FGFR3: variants seen among roughly 807,000 people sequenced by gnomAD.
FGFR3 encodes FGFR-3.
In FGFR3, 25 loss-of-function variants were observed where a neutral mutation model predicts 82.9. The ratio of observed to expected loss-of-function variants is 0.30; its 90% CI spans 0.22 to 0.42. The LOEUF (loss-of-function observed/expected upper bound fraction) is 0.42. FGFR3 is among the 10% of genes least tolerant of loss of function. The pLI is 1.00. For synonymous variants in FGFR3, 620 were observed against 516.0 expected (o/e 1.20, Z -2.73); for missense variants, 1,026 against 1,161.0 (o/e 0.88, Z 1.69).
chr4:1,807,004 C>T (rs2108815872), intron 17 of FGFR3, 70 bp downstream of exon 17: 1 of 1,554,448 alleles, frequency 6.4e-7, no homozygotes, highest in Non-Finnish European at 8.7e-7. Context: ...CCATCCTGCC[C>T]CCCAGAGTGC....
intron 2 of FGFR3, among the ~76,000 whole-genome samples, 186 bp from the exon 3 acceptor site, chr4:1,799,064 CTGGT>C (rs1343869498): frequency 6.6e-6 from 1 of 152,162 alleles, no homozygotes; most frequent in East Asian, 1.9e-4. Flanking sequence ...TTGGGACAGA[CTGGT>C]TGGCAAAGCT....
chr4:1,801,724 GTACACGC>G lies in FGFR3; in HGVS notation c.722_728del (p.Tyr241TrpfsTer51). 1 of 1,607,312 alleles carries G rather than the reference GTACACGC, an allele frequency of 6.2e-7. No homozygotes were observed. The highest frequency in any genetic ancestry group is 1.1e-5 in the South Asian group (1 of 90,396). ...ACAAGTTTGGCAGCATCCGGCAGACGTACACGCTGGACGTGCTGGGTGAGGGCCCTGG... is the reference window on the plus strand; with the variant it reads ...ACAAGTTTGGCAGCATCCGGCAGACGTGGACGTGCTGGGTGAGGGCCCTGG... On this transcript the variant is annotated frameshift_variant, in exon 6 of 18. Transcript: ENST00000440486. LOFTEE classifies it high-confidence loss of function.
Position 1,803,632 on chromosome 4 carries a change from C to T in FGFR3, c.931-60C>T, listed in dbSNP as rs1721480604. ...GCGGCTGGATCCTGCCGTGTGGACT[C>T]TGTGCGGTGCCCGCAGGGCGGTGCT... On this transcript the variant is annotated intron_variant, in intron 7 of 17. Transcript: ENST00000440486. 5.0e-6 allele frequency: 8 copies of T among 1,590,364 alleles called. No homozygotes were observed. The South Asian group carries it at 5.6e-5, about 11-fold the overall frequency.
At position 1,806,966 on chromosome 4, in the gene FGFR3, C is replaced by T. The variant is rs184555028; in HGVS notation, c.2274+32C>T. 288 of 1,578,022 alleles carry T rather than the reference C, an allele frequency of 1.8e-4. 2 individuals carry two copies. The East Asian group carries it at 6.6e-3, about 36-fold the overall frequency. ...GCTGGCTCTGGCCTGGTGCCACCCG[C>T]CTATGCCCCTCCCCCTGCCGTCCCC... On this transcript the variant is annotated intron_variant, in intron 17 of 17. Coordinates refer to ENST00000440486, the MANE Select transcript of FGFR3 (RefSeq NM_000142.5).
intron 7 of FGFR3, 21 bp from the exon 8 acceptor site, chr4:1,803,671 C>T (rs4647925): frequency 1.0e-4 from 162 of 1,612,162 alleles, no homozygotes; most frequent in African/African-American, 4.1e-4. Flanking sequence ...GCTCGCCTAT[C>T]GCTCTGCTCT....
intron 2 of FGFR3, 63 bp downstream of exon 2, chr4:1,794,106 G>A (rs1720174159): frequency 2.9e-6 from 3 of 1,045,238 alleles, no homozygotes; most frequent in Non-Finnish European, 3.8e-6. Flanking sequence ...GTTGGGGACG[G>A]GAACCGGCCC....
chr4:1,802,062 G>T (rs1476873851), intron 7 of FGFR3, 37 bp downstream of exon 7: 2 of 1,591,800 alleles, frequency 1.3e-6, no homozygotes, highest in Non-Finnish European at 1.7e-6. Flanking sequence ...CGCCGCTGGG[G>T]CTCCTGGGCT....
chr4:1,801,586 C>A, intron 5 of FGFR3, 34 bp from the exon 6 acceptor site: 1 of 1,590,492 alleles, frequency 6.3e-7, no homozygotes, highest in Middle Eastern at 1.7e-4. Flanking sequence ...TGGTTGCTGC[C>A]TCCGCTCACT....
rs1722265535 is a variant in FGFR3 at position 1,808,687 on chromosome 4, G to A, written c.*1425G>A. On this transcript the variant is annotated 3_prime_UTR_variant, in exon 18 of 18. Transcript: ENST00000440486. ...GCCGTGAATTCAGTTGGTTCGTTCT[G>A]TACTGTTACTGGGCCCTGAGTCTGG... is the stretch of plus-strand genomic sequence containing the variant. 1 of 232,400 alleles carries A rather than the reference G, an allele frequency of 4.3e-6. No homozygotes were observed. Among genetic ancestry groups the A allele is most frequent in the African/African-American group, 2.2e-5 (1 of 45,362 alleles). The allele number at this position is 232,400 out of a possible 1,614,324, so 14.4% of individuals were successfully genotyped here. A position where few individuals can be genotyped will look rare whatever the true frequency, so the allele number is the denominator to read the frequency against.
At position 1,793,842 on chromosome 4, in the gene FGFR3, C is replaced by A; in HGVS notation, c.-93C>A. 3.9e-6 allele frequency: 1 copy of A among 254,350 alleles called. No individual in the cohort carries two copies. Among genetic ancestry groups the A allele is most frequent in the Non-Finnish European group, 6.4e-6 (1 of 157,454 alleles). The allele number at this position is 254,350 out of a possible 1,614,324, so 15.8% of individuals were successfully genotyped here. ...CTTCCTCCTCCTGTAGTCTCCCGAGCGGCGCCCGCCTCCCGCCGGTGCCCG... is the reference window on the plus strand; with the variant it reads ...CTTCCTCCTCCTGTAGTCTCCCGAGAGGCGCCCGCCTCCCGCCGGTGCCCG... On this transcript the variant is annotated 5_prime_UTR_variant, in exon 2 of 18. Transcript: ENST00000440486.
intron 2 of FGFR3, among the ~76,000 whole-genome samples, chr4:1,796,692 G>A (rs914859600): frequency 6.6e-6 from 1 of 152,178 alleles, no homozygotes; most frequent in African/African-American, 2.4e-5. Flanking sequence ...GAGACCCAGA[G>A]CCTGGAGAAA....
At chr4:1,797,851 G>C (rs1408073213) in intron 2 of FGFR3, among the ~76,000 whole-genome samples, 1 of 152,202 alleles carries the variant, frequency 6.6e-6, no homozygotes, top group Non-Finnish European at 1.5e-5. Flanking sequence ...GGCGTGTGTG[G>C]CTGGATCAGG....
At position 1,807,297 on chromosome 4, in the gene FGFR3, T is replaced by C. The variant is rs1424387408; in HGVS notation, c.*35T>C. On this transcript the variant is annotated 3_prime_UTR_variant, in exon 18 of 18. Coordinates refer to ENST00000440486, the MANE Select transcript of FGFR3 (RefSeq NM_000142.5). ...GGTCCCCAACAATGTGAGGGGTCCC[T>C]AGCAGCCCACCCTGCTGCTGGTGCA... The C allele has an allele frequency of 6.4e-7, 1 of 1,568,376 alleles. No homozygotes were observed.
chr4:1,796,529 C>G (rs1216346096), intron 2 of FGFR3, among the ~76,000 whole-genome samples: 1 of 152,126 alleles, frequency 6.6e-6, no homozygotes, highest in Non-Finnish European at 1.5e-5. Flanking sequence ...CATCTCACCC[C>G]AAAACCCAAA....
intron 4 of FGFR3, 46 bp downstream of exon 4, chr4:1,799,858 T>C (rs375610106): frequency 1.1e-5 from 17 of 1,598,478 alleles, no homozygotes; most frequent in Non-Finnish European, 1.5e-5. Context: ...TGGGGCCCGC[T>C]GCCACCGCCA....
intron 10 of FGFR3, 116 bp from the exon 11 acceptor site, chr4:1,805,239 C>T: frequency 6.4e-7 from 1 of 1,553,140 alleles, no homozygotes. Flanking sequence ...GCATGGAGGG[C>T]TTCCTGGAGG....
chr4:1,798,356 C>T (rs3135861), intron 2 of FGFR3, among the ~76,000 whole-genome samples: 2 of 152,106 alleles, frequency 1.3e-5, no homozygotes, highest in African/African-American at 2.4e-5. Context: ...GACTCCACCC[C>T]CCGGCCCCCT....
chr4:1,793,943 C>T lies in FGFR3; in HGVS notation c.9C>T (p.Ala3=). The change falls in exon 2 of 18, where the codon GCC becomes GCT. Residue 3 remains alanine, a synonymous_variant. Coordinates refer to ENST00000440486, the MANE Select transcript of FGFR3 (RefSeq NM_000142.5). ...CGGCCCCCGCCCCCGCCATGGGCGC[C>T]CCTGCCTGCGCCCTCGCGCTCTGCG... The part of the protein sequence containing the change: MG[A]PACALALCVA... 1 of 1,326,092 alleles carries T rather than the reference C, an allele frequency of 7.5e-7. No homozygotes were observed. Among genetic ancestry groups the T allele is most frequent in the Middle Eastern group, 2.6e-4 (1 of 3,850 alleles). 82.1% of individuals were successfully genotyped at this position (1,326,092 alleles called of 1,614,324 possible). A position where few individuals can be genotyped will look rare whatever the true frequency, so the allele number is the denominator to read the frequency against.
chr4:1,799,450 G>A lies in FGFR3; in HGVS notation c.306G>A (p.Glu102=). 6.2e-7 allele frequency: 1 copy of A among 1,605,860 alleles called. No homozygotes were observed. The highest frequency in any genetic ancestry group is 8.5e-7 in the Non-Finnish European group (1 of 1,176,978). Residue 102 remains glutamate (E), a synonymous_variant, in exon 3 of 18, where the codon GAG becomes GAA. Transcript: ENST00000440486. ...QRLQVLNASH[E]DSGAYSCRQR... The stretch of plus-strand genomic sequence containing the variant: ...TGCAGGTGCTGAATGCCTCCCACGA[G>A]GACTCCGGGGCCTACAGCTGCCGGC...
Sources: gnomAD v4.1 joint callset for allele counts (sites outside exome capture counted in the v4.1 genomes callset) on GRCh38, gnomAD v4.1.1 for gene constraint, MANE v1.5 for transcripts, NCBI Gene and HGNC (gene_info 2026-07-23, HGNC 2026-07-21) for gene names.